The following MND1 variants were observed in gnomAD, a reference collection of about 807,000 sequenced individuals.
The protein encoded by MND1 is meiotic nuclear division protein 1 homolog.
Under a neutral mutation model 35.1 loss-of-function variants are expected in MND1, and 28 were observed. The observed-to-expected ratio is 0.80, with a 90% CI of 0.59 to 1.09. The LOEUF is 1.09. Among genes scored for constraint, MND1 ranks in the 50% least tolerant of loss-of-function variants. The pLI is 0.00. For synonymous variants in MND1, 69 were observed against 70.5 expected (o/e 0.98, Z 0.11); for missense variants, 213 against 239.6 (o/e 0.89, Z 0.73).
intron 6 of MND1, among the ~76,000 whole-genome samples, chr4:153,406,718 G>A (rs1310397968): frequency 1.3e-5 from 2 of 152,124 alleles, no homozygotes; most frequent in Non-Finnish European, 2.9e-5. Flanking sequence ...ATAAGCACAT[G>A]AAAAGATGCA....
At chr4:153,368,985 A>C (rs1376731922) in intron 4 of MND1, among the ~76,000 whole-genome samples, 1 of 152,236 alleles carries the variant, frequency 6.6e-6, no homozygotes, top group African/African-American at 2.4e-5. Flanking sequence ...AGTTGGGTAC[A>C]TCTGGCTCAA....
At chr4:153,387,124 C>G (rs1428157001) in intron 4 of MND1, among the ~76,000 whole-genome samples, 1 of 152,024 alleles carries the variant, frequency 6.6e-6, no homozygotes, top group Non-Finnish European at 1.5e-5. Flanking sequence ...CAGAGATAAC[C>G]ATTGCTTAGA....
chr4:153,413,467 C>CT (rs1435646216), intron 7 of MND1, among the ~76,000 whole-genome samples: 1 of 152,020 alleles, frequency 6.6e-6, no homozygotes, highest in East Asian at 1.9e-4. Context: ...ATTTCTTGGG[C>CT]TTGGAGTTCA....
chr4:153,360,675 A>T (rs369615631), intron 4 of MND1, among the ~76,000 whole-genome samples: 20 of 146,996 alleles, frequency 1.4e-4, no homozygotes, highest in African/African-American at 4.7e-4. Flanking sequence ...TATATAAATA[A>T]ATAAATAAAT....
At chr4:153,383,864 G>A (rs1251413980) in intron 4 of MND1, among the ~76,000 whole-genome samples, 1 of 152,174 alleles carries the variant, frequency 6.6e-6, no homozygotes, top group East Asian at 1.9e-4. Context: ...TATTGTCTGA[G>A]GTCCTGTTAC....
intron 4 of MND1, among the ~76,000 whole-genome samples, chr4:153,369,187 G>GT: frequency 6.6e-6 from 1 of 152,180 alleles, no homozygotes; most frequent in Non-Finnish European, 1.5e-5. Context: ...TTACCACATG[G>GT]TTTTCTCCGT....
Position 153,350,090 on chromosome 4 carries a change from A to G in MND1, c.30A>G (p.Glu10=). 1 of 1,607,506 alleles carries G rather than the reference A, an allele frequency of 6.2e-7. No individual in the cohort carries two copies. Among genetic ancestry groups the G allele is most frequent in the Non-Finnish European group, 8.5e-7 (1 of 1,177,176 alleles). The change falls in exon 2 of 8, where the codon GAA becomes GAG. Residue 10 remains glutamate, a synonymous_variant. Coordinates refer to ENST00000240488, the MANE Select transcript of MND1 (RefSeq NM_032117.4). The part of the protein sequence containing the change: MSKKKGLSA[E]EKRTRMMEIF... The stretch of plus-strand genomic sequence containing the variant: ...CAAAGAAAAAAGGACTGAGTGCAGA[A>G]GAAAAGAGAACTCGCATGATGGAAA...
Position 153,344,733 on chromosome 4 carries a change from G to A in MND1, c.-5G>A, listed in dbSNP as rs1397930371. On this transcript the variant is annotated 5_prime_UTR_variant, in exon 1 of 8. Transcript: ENST00000240488. Reference sequence around the variant, plus strand: ...CCGGCCAGCGGAAGCCCCTGCGCCCGCGCCATGGTAAGGACTGAGGCTACG... The same window carrying A: ...CCGGCCAGCGGAAGCCCCTGCGCCCACGCCATGGTAAGGACTGAGGCTACG... 1.9e-6 allele frequency: 3 copies of A among 1,596,244 alleles called. No homozygotes were observed. Among genetic ancestry groups the A allele is most frequent in the Non-Finnish European group, 2.6e-6 (3 of 1,172,622 alleles).
chr4:153,374,643 T>G (rs1422989578), intron 4 of MND1, among the ~76,000 whole-genome samples: 1 of 152,144 alleles, frequency 6.6e-6, no homozygotes, highest in African/African-American at 2.4e-5. Context: ...TCTTTAATTT[T>G]TTTTTTTTCA....
At chr4:153,359,192 T>C (rs1773418690) in intron 4 of MND1, among the ~76,000 whole-genome samples, 1 of 152,216 alleles carries the variant, frequency 6.6e-6, no homozygotes, top group African/African-American at 2.4e-5. Context: ...GTTTCCTACT[T>C]GTTCATCCCT....
chr4:153,394,147 CG>C, intron 4 of MND1, 114 bp from the exon 5 acceptor site: 3 of 772,202 alleles, frequency 3.9e-6, no homozygotes, highest in Non-Finnish European at 6.4e-6. Context: ...CTGCCTGCCT[CG>C]GCCTGGGGCG....
At chr4:153,362,709 G>A (rs184831224) in intron 4 of MND1, among the ~76,000 whole-genome samples, 24 of 152,242 alleles carry the variant, frequency 1.6e-4, no homozygotes, top group African/African-American at 4.1e-4. Flanking sequence ...ACTACCATTT[G>A]TAGTATTTTT....
intron 4 of MND1, among the ~76,000 whole-genome samples, chr4:153,388,183 C>T (rs551520906): frequency 3.5e-4 from 54 of 152,258 alleles, no homozygotes; most frequent in African/African-American, 1.3e-3. Flanking sequence ...TGTGTCAGTT[C>T]CTCAGATCTA....
chr4:153,389,696 A>C (rs1382886709), intron 4 of MND1, among the ~76,000 whole-genome samples: 1 of 152,060 alleles, frequency 6.6e-6, no homozygotes, highest in Non-Finnish European at 1.5e-5. Flanking sequence ...TCACCTCTCT[A>C]TTTTTGTAAA....
intron 4 of MND1, among the ~76,000 whole-genome samples, chr4:153,392,287 A>G (rs895064056): frequency 7.2e-5 from 11 of 151,868 alleles, no homozygotes; most frequent in African/African-American, 2.2e-4. Flanking sequence ...TTATATTTTC[A>G]GTAGAGACGG....
intron 4 of MND1, among the ~76,000 whole-genome samples, chr4:153,376,853 T>G (rs1181883559): frequency 6.6e-6 from 1 of 152,182 alleles, no homozygotes; most frequent in Non-Finnish European, 1.5e-5. Flanking sequence ...TTAGTCAACT[T>G]GTATCAGTAC....
chr4:153,393,372 T>TC (rs1443724004), intron 4 of MND1, among the ~76,000 whole-genome samples: 182 of 144,218 alleles, frequency 1.3e-3, no homozygotes, highest in Middle Eastern at 3.5e-3. Flanking sequence ...TTCTTTCTTT[T>TC]TTTTTTTTTT....
At chr4:153,391,124 T>C (rs1729020948) in intron 4 of MND1, among the ~76,000 whole-genome samples, 1 of 152,110 alleles carries the variant, frequency 6.6e-6, no homozygotes, top group African/African-American at 2.4e-5. Context: ...TTTTAATTAG[T>C]CCAGGTAGGT....
At position 153,406,052 on chromosome 4, in the gene MND1, G is replaced by A. The variant is rs189538961; in HGVS notation, c.467-2919G>A. On this transcript the variant is annotated intron_variant, in intron 6 of 7. Transcript: ENST00000240488. ...TCTGACCTCGTGATCTGCCCGTCTC[G>A]GCCTCCCAAAGTGCTGGGATTACAG... Among the ~76,000 whole-genome samples, 37 of 152,074 alleles carry A rather than the reference G, an allele frequency of 2.4e-4. No homozygotes were observed. The East Asian group carries it at 4.1e-3, about 17-fold the overall frequency.
Sources: gnomAD v4.1 joint callset for allele counts (sites outside exome capture counted in the v4.1 genomes callset) on GRCh38, gnomAD v4.1.1 for gene constraint, MANE v1.5 for transcripts, NCBI Gene and HGNC (gene_info 2026-07-23, HGNC 2026-07-21) for gene names.